The following PPP1R9A variants were observed in gnomAD, a reference collection of about 807,000 sequenced individuals.
The protein encoded by PPP1R9A is neurabin-1.
PPP1R9A carries 59 observed loss-of-function variants against 141.9 expected under a neutral mutation model. The observed-to-expected ratio is 0.42, with a 90% CI of 0.34 to 0.52. The LOEUF (loss-of-function observed/expected upper bound fraction) is 0.52, where lower values mean the gene tolerates loss of function less well. Among genes scored for constraint, PPP1R9A ranks in the 20% least tolerant of loss-of-function variants. The pLI, the probability that PPP1R9A is intolerant of heterozygous loss-of-function variation, is 0.10. For missense variants in PPP1R9A, 1,444 were observed against 1,611.9 expected (o/e 0.90, Z 1.78); for synonymous variants, 500 against 569.7 (o/e 0.88, Z 1.74).
intron 10 of PPP1R9A, among the ~76,000 whole-genome samples, 154 bp from the exon 11 acceptor site, chr7:95,251,608 C>A (rs914500839): frequency 7.9e-5 from 12 of 152,172 alleles, no homozygotes; most frequent in African/African-American, 2.9e-4. Context: ...GTTTTAGTTT[C>A]TTTCATTACT....
At chr7:95,006,081 C>T (rs1439201571) in intron 2 of PPP1R9A, among the ~76,000 whole-genome samples, 1 of 151,936 alleles carries the variant, frequency 6.6e-6, no homozygotes, top group Non-Finnish European at 1.5e-5. Flanking sequence ...TCTTAATGTT[C>T]TCTCTGTAGC....
At chr7:95,219,095 A>G (rs182570268) in intron 7 of PPP1R9A, among the ~76,000 whole-genome samples, 1 of 152,280 alleles carries the variant, frequency 6.6e-6, no homozygotes, top group East Asian at 1.9e-4. Flanking sequence ...ATGCTTTTGC[A>G]GTGGGTGGTA....
At position 95,086,800 on chromosome 7, in the gene PPP1R9A, A is replaced by G. The variant is rs971020835; in HGVS notation, c.1396-24459A>G. On this transcript the variant is annotated intron_variant, in intron 2 of 19. Coordinates refer to ENST00000433360, the MANE Select transcript of PPP1R9A (RefSeq NM_001166160.2). ...GTCCAAGATCAGTGAAAATCACATC[A>G]AGGAAGATAGTGAACATAACTTATA... Among the ~76,000 whole-genome samples the G allele has an allele frequency of 2.5e-4, 38 of 152,048 alleles. 1 individual carries two copies. The highest frequency in any genetic ancestry group is 1.4e-3 in the Admixed American group (21 of 15,264).
chr7:95,156,613 C>CCTTTCCA (rs1829655260), intron 4 of PPP1R9A: 1 of 152,276 alleles, frequency 6.6e-6, no homozygotes, highest in Non-Finnish European at 1.5e-5. Flanking sequence ...GAGGGTAGCT[C>CCTTTCCA]CTTTCCACAG....
intron 2 of PPP1R9A, among the ~76,000 whole-genome samples, chr7:95,072,872 T>C (rs1459944044): frequency 1.8e-5 from 2 of 113,938 alleles, no homozygotes; most frequent in Non-Finnish European, 3.4e-5. Context: ...TAATATAATA[T>C]AATATTATAT....
chr7:95,293,117 A>G lies in PPP1R9A; in HGVS notation c.*2814A>G, dbSNP rs1806593859. Reference sequence around the variant, plus strand: ...CCAAAAGTGTTTTGGGGTATAGGTTATGCTTTGTTGGGAGGGAATGTGTGG... The same window carrying G: ...CCAAAAGTGTTTTGGGGTATAGGTTGTGCTTTGTTGGGAGGGAATGTGTGG... On this transcript the variant is annotated 3_prime_UTR_variant, in exon 20 of 20. Coordinates refer to ENST00000433360, the MANE Select transcript of PPP1R9A (RefSeq NM_001166160.2). The G allele has an allele frequency of 6.6e-6, 1 of 152,164 alleles. No individual in the cohort carries two copies. Among genetic ancestry groups the G allele is most frequent in the Non-Finnish European group, 1.5e-5 (1 of 68,042 alleles). The allele number at this position is 152,164 out of a possible 1,614,324, so 9.4% of individuals were successfully genotyped here.
At chr7:95,251,440 T>C (rs1212201368) in intron 10 of PPP1R9A, among the ~76,000 whole-genome samples, 1 of 152,206 alleles carries the variant, frequency 6.6e-6, no homozygotes, top group Non-Finnish European at 1.5e-5. Flanking sequence ...TATTTCTACC[T>C]GACAAGTAAT....
intron 3 of PPP1R9A, among the ~76,000 whole-genome samples, chr7:95,119,328 A>T (rs1822103801): frequency 6.6e-6 from 1 of 152,212 alleles, no homozygotes; most frequent in African/African-American, 2.4e-5. Flanking sequence ...TGTTCATAGG[A>T]CCAGTAAAAT....
intron 2 of PPP1R9A, among the ~76,000 whole-genome samples, chr7:95,093,662 T>C (rs1817647612): frequency 6.6e-6 from 1 of 152,198 alleles, no homozygotes; most frequent in Non-Finnish European, 1.5e-5. Flanking sequence ...TTTTTTATAT[T>C]GTCTACCATA....
At position 95,284,227 on chromosome 7, in the gene PPP1R9A, C is replaced by G. The variant is rs760155505; in HGVS notation, c.3506C>G (p.Thr1169Arg). The G allele has an allele frequency of 5.1e-6, 8 of 1,567,220 alleles. No individual in the cohort carries two copies. In the African/African-American group the frequency reaches 6.7e-5, roughly 13 times the overall value. ...SDKKGSKVEN[T>R]WITKANKRNP... ...AAAAAGGGGTCCAAGGTAGAAAACA[C>G]ATGGATTACAAAAGCAAACAAGAGA... The change falls in exon 17 of 20, where the codon ACA becomes AGA. Residue 1169 changes from threonine to arginine, a missense_variant. Around this residue, in one of 5 missense-constraint regions of PPP1R9A, gnomAD observed 459 missense variants for 513.8 expected, o/e 0.89. Coordinates refer to ENST00000433360, the MANE Select transcript of PPP1R9A (RefSeq NM_001166160.2).
At chr7:95,000,165 G>A (rs1802717150) in intron 2 of PPP1R9A, among the ~76,000 whole-genome samples, 1 of 152,064 alleles carries the variant, frequency 6.6e-6, no homozygotes, top group African/African-American at 2.4e-5. Flanking sequence ...TGTAAGTAGT[G>A]CGGCAAAATT....
intron 2 of PPP1R9A, among the ~76,000 whole-genome samples, chr7:94,982,899 A>G (rs1219727840): frequency 6.6e-6 from 1 of 152,272 alleles, no homozygotes; most frequent in African/African-American, 2.4e-5. Context: ...GCCCATGCTT[A>G]TGTCCTGAAT....
chr7:95,213,952 T>C (rs1013887698), intron 7 of PPP1R9A, among the ~76,000 whole-genome samples: 1 of 152,164 alleles, frequency 6.6e-6, no homozygotes, highest in African/African-American at 2.4e-5. Flanking sequence ...CTAAGCTTTG[T>C]GTCACTACAT....
At chr7:95,080,700 CT>C (rs1167604984) in intron 2 of PPP1R9A, among the ~76,000 whole-genome samples, 1 of 152,176 alleles carries the variant, frequency 6.6e-6, no homozygotes, top group African/African-American at 2.4e-5. Flanking sequence ...TACTTCTACT[CT>C]GTTTTTAGAG....
chr7:95,006,287 C>T (rs944517587), intron 2 of PPP1R9A, among the ~76,000 whole-genome samples: 5 of 151,600 alleles, frequency 3.3e-5, no homozygotes, highest in East Asian at 1.9e-4. Flanking sequence ...GCACAATCTC[C>T]GCTCACTATA....
At chr7:95,271,699 A>G (rs916670047) in intron 14 of PPP1R9A, among the ~76,000 whole-genome samples, 1 of 152,178 alleles carries the variant, frequency 6.6e-6, no homozygotes, top group Non-Finnish European at 1.5e-5. Flanking sequence ...GAGATCATTT[A>G]TTATTTGAAA....
At chr7:95,264,490 C>T (rs1033630391) in intron 12 of PPP1R9A, among the ~76,000 whole-genome samples, 6 of 152,146 alleles carry the variant, frequency 3.9e-5, no homozygotes, top group African/African-American at 1.4e-4. Flanking sequence ...GAACTGGTCT[C>T]TGTGTAATAT....
At chr7:94,923,711 C>T (rs796357272) in intron 2 of PPP1R9A, among the ~76,000 whole-genome samples, 2 of 152,304 alleles carry the variant, frequency 1.3e-5, no homozygotes, top group African/African-American at 4.8e-5. Flanking sequence ...CAGTTCCTCT[C>T]ATCTATTGGG....
intron 9 of PPP1R9A, 152 bp from the exon 10 acceptor site, chr7:95,249,874 A>G: frequency 9.0e-7 from 1 of 1,116,886 alleles, no homozygotes; most frequent in Non-Finnish European, 1.2e-6. Context: ...TCATCTGTGG[A>G]ATTATAAAAA....
Sources: allele counts gnomAD v4.1 joint callset (sites outside exome capture counted in the v4.1 genomes callset), GRCh38; gene constraint gnomAD v4.1.1; regional missense constraint gnomAD v4.1.1; transcripts MANE v1.5; gene names NCBI Gene and HGNC (gene_info 2026-07-23, HGNC 2026-07-21).